C8orf74: variants seen among roughly 807,000 people sequenced by gnomAD.
C8orf74 encodes the protein chromosome 8 open reading frame 74, also known as uncharacterized protein C8orf74.
Under a neutral mutation model 22.2 loss-of-function variants are expected in C8orf74, and 29 were observed. That is an observed-to-expected ratio of 1.31 (90% CI 0.97 to 1.78). C8orf74 has a LOEUF of 1.78. Ranked by LOEUF, C8orf74 falls within the 40% of genes most tolerant of loss-of-function variation. The pLI is 0.00. For missense variants in C8orf74, 515 were observed against 369.9 expected, an observed-to-expected ratio of 1.39 and a Z score of -3.22; for synonymous variants, 255 against 163.1, an observed-to-expected ratio of 1.56 and a Z score of -4.30.
intron 2 of C8orf74, chr8:10,691,768 T>C (rs886297353): frequency 2.0e-5 from 3 of 152,344 alleles, no homozygotes; most frequent in Admixed American, 2.0e-4. Context: ...GATAATCCTA[T>C]GTACGCTATC....
intron 2 of C8orf74, among the ~76,000 whole-genome samples, chr8:10,682,460 G>A (rs1364351994): frequency 3.3e-5 from 5 of 152,154 alleles, no homozygotes; most frequent in South Asian, 2.1e-4. Context: ...CGTTTCTCCC[G>A]AAGCCTCTCT....
intron 2 of C8orf74, among the ~76,000 whole-genome samples, chr8:10,680,684 G>A (rs935232286): frequency 6.6e-6 from 1 of 152,242 alleles, no homozygotes; most frequent in Admixed American, 6.5e-5. Flanking sequence ...CCACACTCAT[G>A]CTTGGCCCTG....
intron 2 of C8orf74, chr8:10,686,812 G>T: frequency 5.1e-6 from 1 of 195,114 alleles, no homozygotes; most frequent in Non-Finnish European, 1.1e-5. Flanking sequence ...TAAAGCACAA[G>T]GGCCTGTTGA....
intron 2 of C8orf74, among the ~76,000 whole-genome samples, chr8:10,679,619 C>A (rs762947705): frequency 2.0e-5 from 3 of 152,242 alleles, no homozygotes; most frequent in Non-Finnish European, 2.9e-5. Flanking sequence ...ATCGCATCAC[C>A]CAGAGCTGAT....
At chr8:10,684,641 G>C (rs1165167247) in intron 2 of C8orf74, among the ~76,000 whole-genome samples, 1 of 152,174 alleles carries the variant, frequency 6.6e-6, no homozygotes, top group Non-Finnish European at 1.5e-5. Flanking sequence ...ACAGGGGATG[G>C]TACCACACCC....
chr8:10,690,110 C>A (rs1799342017), intron 2 of C8orf74, among the ~76,000 whole-genome samples: 1 of 152,210 alleles, frequency 6.6e-6, no homozygotes, highest in Admixed American at 6.5e-5. Context: ...CTCCAAGAAT[C>A]TACAAAAAGA....
intron 2 of C8orf74, among the ~76,000 whole-genome samples, chr8:10,686,869 C>T (rs1198799462): frequency 1.3e-5 from 2 of 152,120 alleles, no homozygotes; most frequent in Non-Finnish European, 2.9e-5. Flanking sequence ...AACTGGGGAC[C>T]CAGCCCACTC....
chr8:10,699,377 G>A (rs552406160), intron 3 of C8orf74, among the ~76,000 whole-genome samples: 2 of 152,334 alleles, frequency 1.3e-5, no homozygotes, highest in African/African-American at 4.8e-5. Flanking sequence ...CCCCAATAAT[G>A]TTGTTTTCTA....
At position 10,700,297 on chromosome 8, in the gene C8orf74, G is replaced by A. The variant is rs759700922; in HGVS notation, c.711G>A (p.Leu237=). The A allele has an allele frequency of 1.9e-6, 3 of 1,613,636 alleles. No individual in the cohort carries two copies. The highest frequency in any genetic ancestry group is 1.1e-5 in the South Asian group (1 of 91,050). The change falls in exon 4 of 4, where the codon CTG becomes CTA. Residue 237 remains leucine, a synonymous_variant. Transcript: ENST00000304519. The part of the protein sequence containing the change: ...HTQMELLQEL[L]QRQIQNTFAI... ...AGATGGAGCTCCTGCAGGAGCTGCT[G>A]CAGCGCCAGATCCAGAACACATTCG...
At chr8:10,684,796 G>A (rs1799226266) in intron 2 of C8orf74, among the ~76,000 whole-genome samples, 1 of 152,314 alleles carries the variant, frequency 6.6e-6, no homozygotes, top group South Asian at 2.1e-4. Context: ...TCACTGAAAG[G>A]AAGCACTTGG....
chr8:10,692,498 G>C (rs1027854638), intron 2 of C8orf74: 3 of 152,222 alleles, frequency 2.0e-5, no homozygotes, highest in African/African-American at 7.2e-5. Context: ...CTGGCACATG[G>C]GAATGTTCCC....
intron 2 of C8orf74, among the ~76,000 whole-genome samples, chr8:10,685,747 T>C (rs1799249569): frequency 6.6e-6 from 1 of 152,210 alleles, no homozygotes; most frequent in African/African-American, 2.4e-5. Context: ...ATGTGAATGT[T>C]CTTAATGCCA....
At chr8:10,687,615 CAAAAAAAAAAAAAA>C (rs374455264) in intron 2 of C8orf74, among the ~76,000 whole-genome samples, 1 of 53,076 alleles carries the variant, frequency 1.9e-5, no homozygotes, top group Admixed American at 2.0e-4. Flanking sequence ...GACTCCATCT[CAAAAAAAAAAAAAA>C]AAAAAAAAGA....
intron 2 of C8orf74, among the ~76,000 whole-genome samples, chr8:10,677,395 T>G (rs1307162604): frequency 6.6e-6 from 1 of 152,222 alleles, no homozygotes; most frequent in Non-Finnish European, 1.5e-5. Context: ...TTTTAAAAAC[T>G]CAAATACTTA....
intron 2 of C8orf74, among the ~76,000 whole-genome samples, chr8:10,688,011 G>C (rs999719326): frequency 1.3e-5 from 2 of 152,094 alleles, no homozygotes; most frequent in Non-Finnish European, 2.9e-5. Context: ...TTCAAGACCA[G>C]CCTGGCCAAT....
chr8:10,697,590 T>G lies in C8orf74; in HGVS notation c.242-9T>G, dbSNP rs1207275635. 1.9e-6 allele frequency: 3 copies of G among 1,610,650 alleles called. No homozygotes were observed. Among genetic ancestry groups the G allele is most frequent in the East Asian group, 4.5e-5 (2 of 44,880 alleles). On this transcript the variant is annotated splice_polypyrimidine_tract_variant and intron_variant, in intron 2 of 3. Transcript: ENST00000304519. Reference sequence around the variant, plus strand: ...ACTCCCACTCTGTTCTTGGCCCCTGTGCCTACAGGCTGCTCCATTACTGAG... The same window carrying G: ...ACTCCCACTCTGTTCTTGGCCCCTGGGCCTACAGGCTGCTCCATTACTGAG...
In C8orf74 at chr8:10,697,532, C is replaced by T. The variant is rs1057068796; in HGVS notation, c.242-67C>T. On this transcript the variant is annotated intron_variant, in intron 2 of 3. Transcript: ENST00000304519. ...GACCAGGCTGTCGGGGTGCAGAGCC[C>T]ACATCCACTGCCTGGCAGGGCAGCT... The T allele has an allele frequency of 1.4e-5, 20 of 1,425,544 alleles. 1 individual carries two copies. The Admixed American group carries it at 1.9e-4, about 14-fold the overall frequency. 88.3% of individuals were successfully genotyped at this position (1,425,544 alleles called of 1,614,324 possible).
In C8orf74 at chr8:10,674,829, G is replaced by T; in HGVS notation, c.232G>T (p.Glu78Ter). ...CAAGTTCACAGAAGAGCTGCTAAGG[G>T]AAACCAAAGGTATGGTGTGTCCAGG... is the stretch of plus-strand genomic sequence containing the variant. ...VVKFTEELLR[E>*]TKGCSITEAV... The change falls in exon 2 of 4, where the codon GAA becomes TAA. Residue 78 changes from glutamate to a stop codon, truncating the protein, a stop_gained. Coordinates refer to ENST00000304519, the MANE Select transcript of C8orf74 (RefSeq NM_001040032.2). LOFTEE classifies it high-confidence loss of function. 1 of 1,599,806 alleles carries T rather than the reference G, an allele frequency of 6.3e-7. No homozygotes were observed. The highest frequency in any genetic ancestry group is 8.5e-7 in the Non-Finnish European group (1 of 1,173,336).
At chr8:10,674,947 C>A in intron 2 of C8orf74, 109 bp downstream of exon 2, 1 of 849,598 alleles carries the variant, frequency 1.2e-6, no homozygotes, top group Non-Finnish European at 1.8e-6. Context: ...AGCCAGGGCC[C>A]CTTCCTGCCC....
Sources: allele counts gnomAD v4.1 joint callset (sites outside exome capture counted in the v4.1 genomes callset), GRCh38; gene constraint gnomAD v4.1.1; transcripts MANE v1.5; gene names NCBI Gene and HGNC (gene_info 2026-07-23, HGNC 2026-07-21).